The following KAZN variants were observed in gnomAD, a reference collection of about 807,000 sequenced individuals.
KAZN encodes the protein kazrin.
Under a neutral mutation model 87.4 loss-of-function variants are expected in KAZN, and 40 were observed. That is an observed-to-expected ratio of 0.46 (90% confidence interval 0.36 to 0.60). KAZN has a LOEUF of 0.60. Ranked by LOEUF, KAZN falls within the 20% of genes least tolerant of loss-of-function variation. KAZN has a pLI of 0.00. For missense variants in KAZN, 898 were observed against 1,073.9 expected (o/e 0.84, Z 2.29); for synonymous variants, 466 against 458.3 (o/e 1.02, Z -0.22).
At chr1:14,727,480 TTTTTTTTTTTTTTTTTG>T in intron 1 of KAZN, among the ~76,000 whole-genome samples, 2 of 101,206 alleles carry the variant, frequency 2.0e-5, no homozygotes, top group African/African-American at 4.1e-5. Flanking sequence ...TTTTTTTTTT[TTTTTTTTTTTTTTTTTG>T]AGAAAGAGTT....
intron 1 of KAZN, among the ~76,000 whole-genome samples, chr1:14,005,860 C>T (rs1640013801): frequency 6.6e-6 from 1 of 152,134 alleles, no homozygotes; most frequent in Non-Finnish European, 1.5e-5. Context: ...ACTCACTGGC[C>T]TGTAGTGTTA....
intron 2 of KAZN, among the ~76,000 whole-genome samples, chr1:14,491,928 T>C (rs925761424): frequency 1.3e-5 from 2 of 152,234 alleles, no homozygotes; most frequent in Admixed American, 6.5e-5. Flanking sequence ...TATCCCTCCC[T>C]TTTTAATCTT....
At chr1:14,598,673 G>C, upstream of KAZN, 1 of 1,268,028 alleles carries the variant, frequency 7.9e-7, no homozygotes, top group Non-Finnish European at 9.9e-7. This position sits in a 1 kb window ranked among gnomAD's most constrained non-coding sequence, Gnocchi z 4.2. Context: ...GTGCCTGGTG[G>C]CGCGCGGTGT....
chr1:13,936,120 G>A (rs936819688), intron 1 of KAZN, among the ~76,000 whole-genome samples: 8 of 11,480 alleles, frequency 7.0e-4, no homozygotes, highest in Non-Finnish European at 1.7e-3. Context: ...TTGAGACAGA[G>A]TTTCAAGCTC....
At chr1:14,284,372 G>A (rs1167571786) in intron 2 of KAZN, among the ~76,000 whole-genome samples, 1 of 152,122 alleles carries the variant, frequency 6.6e-6, no homozygotes, top group Non-Finnish European at 1.5e-5. Flanking sequence ...AGTCAGCAAG[G>A]GAGAGGAAAG....
intron 1 of KAZN, among the ~76,000 whole-genome samples, chr1:14,893,493 A>T (rs1044189189): frequency 6.6e-6 from 1 of 152,214 alleles, no homozygotes; most frequent in African/African-American, 2.4e-5. Context: ...GCCCTTGCTG[A>T]TGCTGAAAGA....
intron 2 of KAZN, chr1:14,304,576 T>C (rs993372099): frequency 1.8e-5 from 7 of 398,268 alleles, no homozygotes; most frequent in Non-Finnish European, 2.7e-5. Context: ...CAAACATTGC[T>C]ATTTTTCTTT....
rs112992035 is a variant in KAZN, at chr1:14,695,890, G to A, written c.226+96667G>A. ...CTCCCACTACAGCCAGCATACATATGTCTTGATTTATACAGAAGGTGTGAT... is the reference window on the plus strand; with the variant it reads ...CTCCCACTACAGCCAGCATACATATATCTTGATTTATACAGAAGGTGTGAT... On this transcript the variant is annotated intron_variant, in intron 1 of 14. Coordinates refer to ENST00000376030, the MANE Select transcript of KAZN (RefSeq NM_201628.3). Among the ~76,000 whole-genome samples, 837 of 152,134 alleles carry A rather than the reference G, an allele frequency of 5.5e-3. 7 individuals are homozygous for A. The highest frequency in any genetic ancestry group is 0.019 in the African/African-American group (789 of 41,488).
At chr1:14,328,363 C>T (rs1193702506) in intron 2 of KAZN, among the ~76,000 whole-genome samples, 3 of 152,262 alleles carry the variant, frequency 2.0e-5, no homozygotes, top group African/African-American at 7.2e-5. Context: ...ACCTCCCTTA[C>T]TTTGTGAAGT....
At chr1:14,106,956 C>A (rs1304738677) in intron 1 of KAZN, among the ~76,000 whole-genome samples, 3 of 126,132 alleles carry the variant, frequency 2.4e-5, no homozygotes, top group Non-Finnish European at 3.4e-5. Context: ...TTCCCCTTCC[C>A]TCCCTCCCCG....
At chr1:14,980,589 C>G (rs1009504918) in intron 2 of KAZN, among the ~76,000 whole-genome samples, 1 of 152,228 alleles carries the variant, frequency 6.6e-6, no homozygotes, top group African/African-American at 2.4e-5. Context: ...CGACTCTGCT[C>G]CAGGCTCATC....
chr1:13,990,182 C>G (rs890763918), intron 1 of KAZN, among the ~76,000 whole-genome samples: 1 of 152,038 alleles, frequency 6.6e-6, no homozygotes, highest in African/African-American at 2.4e-5. Context: ...GGTATCTACC[C>G]AAGAGAAATG....
chr1:14,931,486 G>A (rs1279708678), intron 1 of KAZN, among the ~76,000 whole-genome samples: 1 of 152,038 alleles, frequency 6.6e-6, no homozygotes, highest in African/African-American at 2.4e-5. Flanking sequence ...TGTCTTGGCA[G>A]CACTGGAAAT....
At chr1:14,807,354 C>G (rs1473802937) in intron 1 of KAZN, among the ~76,000 whole-genome samples, 1 of 152,222 alleles carries the variant, frequency 6.6e-6, no homozygotes, top group Non-Finnish European at 1.5e-5. Context: ...CCTACAATTC[C>G]ATAAGCCACT....
At chr1:14,924,235 C>A (rs1295920530) in intron 1 of KAZN, 2 of 979,304 alleles carry the variant, frequency 2.0e-6, no homozygotes, top group African/African-American at 3.6e-5. Flanking sequence ...CGCGCGCCGC[C>A]GGCCGGGCGG....
chr1:14,499,985 C>A (rs1670153383), intron 2 of KAZN, among the ~76,000 whole-genome samples: 1 of 152,148 alleles, frequency 6.6e-6, no homozygotes, highest in African/African-American at 2.4e-5. Context: ...GTTTTAATTT[C>A]TTTTAAACTT....
At chr1:14,498,120 C>T (rs527975109) in intron 2 of KAZN, among the ~76,000 whole-genome samples, 63 of 152,330 alleles carry the variant, frequency 4.1e-4, no homozygotes, top group African/African-American at 1.4e-3. Context: ...GCTCACTGAT[C>T]CCTTCTCCAG....
At position 13,975,804 on chromosome 1, in the gene KAZN, C is replaced by CTGAATGAA. The variant is rs929150829; in HGVS notation, c.91+82066_91+82073dup. Among the ~76,000 whole-genome samples the CTGAATGAA allele has an allele frequency of 4.6e-5, 7 of 152,220 alleles. No homozygotes were observed. In the East Asian group the frequency reaches 1.2e-3, roughly 25 times the overall value. Reference sequence around the variant, plus strand: ...CATTGATGGGGTCAGTCAAGGCTTGCTGAATGAATGAATGAATGAATGAAT... The same window carrying CTGAATGAA: ...CATTGATGGGGTCAGTCAAGGCTTGCTGAATGAATGAATGAATGAATGAATGAATGAAT... On this transcript the variant is annotated intron_variant, in intron 1 of 16. Transcript: ENST00000636203.
At chr1:14,090,742 C>T (rs571998803) in intron 1 of KAZN, among the ~76,000 whole-genome samples, 1 of 152,286 alleles carries the variant, frequency 6.6e-6, no homozygotes, top group South Asian at 2.1e-4. Flanking sequence ...ATGAGTGGTT[C>T]TGTCTGCTGC....
Sources: allele counts gnomAD v4.1 joint callset (sites outside exome capture counted in the v4.1 genomes callset), GRCh38; gene constraint gnomAD v4.1.1; non-coding constraint Gnocchi (gnomAD v3.1); transcripts MANE v1.5; gene names NCBI Gene and HGNC (gene_info 2026-07-23, HGNC 2026-07-21).